The following AFG2A variants were observed in gnomAD, a reference collection of about 807,000 sequenced individuals.
The protein encoded by AFG2A is AAA ATPase AFG2A, also known as ATPase family gene 2 protein homolog A.
the AFG2A span, among the ~76,000 whole-genome samples, chr4:123,262,875 A>G: frequency 1.3e-5 from 2 of 152,326 alleles, no homozygotes; most frequent in South Asian, 2.1e-4. Flanking sequence ...AGTAACTCAC[A>G]CTACCTGGGA....
the AFG2A span, among the ~76,000 whole-genome samples, chr4:123,283,571 A>T: frequency 1.4e-4 from 21 of 152,250 alleles, no homozygotes; most frequent in African/African-American, 5.1e-4. Context: ...TGTCTAAATC[A>T]GGGATCATTA....
At chr4:123,022,873 A>C in the AFG2A span, among the ~76,000 whole-genome samples, 1 of 152,098 alleles carries the variant, frequency 6.6e-6, no homozygotes, top group African/African-American at 2.4e-5. Flanking sequence ...TGATGAGTTC[A>C]TGTCCTTTGT....
chr4:123,126,231 C>T, the AFG2A span, among the ~76,000 whole-genome samples: 2 of 152,148 alleles, frequency 1.3e-5, no homozygotes, highest in African/African-American at 4.8e-5. Context: ...ATTTTGTCTC[C>T]TCCTCTTTCA....
chr4:122,977,482 G>A, the AFG2A span, among the ~76,000 whole-genome samples: 1 of 152,222 alleles, frequency 6.6e-6, no homozygotes, highest in East Asian at 1.9e-4. Context: ...ACCAGGTAAC[G>A]TGGTGGTACC....
At chr4:122,934,240 A>G in the AFG2A span, 19 of 1,614,092 alleles carry the variant, frequency 1.2e-5, no homozygotes, top group Non-Finnish European at 1.6e-5. Context: ...TGCCCAAAGA[A>G]TGGCCTTTGA....
the AFG2A span, among the ~76,000 whole-genome samples, chr4:122,951,642 T>A: frequency 0.012 from 1,784 of 152,304 alleles, 51 homozygotes; most frequent in South Asian, 0.11. Context: ...ACAGGACTGC[T>A]GGGTCTGGCT....
chr4:123,166,995 T>A, the AFG2A span, among the ~76,000 whole-genome samples: 4 of 152,054 alleles, frequency 2.6e-5, no homozygotes, highest in African/African-American at 9.7e-5. Context: ...ATTTACACTG[T>A]GTCCTTGGAC....
chr4:123,222,601 A>G, the AFG2A span, among the ~76,000 whole-genome samples: 2 of 152,172 alleles, frequency 1.3e-5, no homozygotes, highest in Non-Finnish European at 2.9e-5. Flanking sequence ...AGTATTACCA[A>G]CTGTAGGTGT....
chr4:123,027,583 T>C, the AFG2A span, among the ~76,000 whole-genome samples: 1 of 152,048 alleles, frequency 6.6e-6, no homozygotes, highest in East Asian at 1.9e-4. Flanking sequence ...CTGGTTGTTA[T>C]AGTTAGTTCT....
the AFG2A span, among the ~76,000 whole-genome samples, chr4:123,106,947 T>G: frequency 6.6e-6 from 1 of 152,224 alleles, no homozygotes; most frequent in Non-Finnish European, 1.5e-5. Context: ...AGCTGCTGCA[T>G]GGGGTGGGCA....
chr4:123,159,019 G>C, the AFG2A span, among the ~76,000 whole-genome samples: 1 of 152,114 alleles, frequency 6.6e-6, no homozygotes, highest in Non-Finnish European at 1.5e-5. Context: ...TTTCAGATGA[G>C]GTTAACATGG....
At chr4:123,219,472 C>T in the AFG2A span, among the ~76,000 whole-genome samples, 6,574 of 152,212 alleles carry the variant, frequency 0.043, 479 homozygotes, top group African/African-American at 0.15. Context: ...AGGCATCCCT[C>T]GGTTCAGTCA....
chr4:123,319,143 A>G, the AFG2A span: 2 of 152,362 alleles, frequency 1.3e-5, no homozygotes, highest in East Asian at 1.9e-4. Context: ...TGTGTAAAAC[A>G]GGTTTTAAAA....
At chr4:122,987,077 G>T in the AFG2A span, among the ~76,000 whole-genome samples, 36 of 152,098 alleles carry the variant, frequency 2.4e-4, no homozygotes, top group East Asian at 3.5e-3. Flanking sequence ...TAATGACCTT[G>T]TCTTTTTTTG....
the AFG2A span, among the ~76,000 whole-genome samples, chr4:123,044,049 A>G: frequency 6.6e-6 from 1 of 152,198 alleles, no homozygotes; most frequent in East Asian, 1.9e-4. Context: ...TTTGTCTTCA[A>G]GATCTGTAGA....
At chr4:123,267,663 G>A in the AFG2A span, among the ~76,000 whole-genome samples, 2 of 151,868 alleles carry the variant, frequency 1.3e-5, no homozygotes, top group Non-Finnish European at 2.9e-5. Flanking sequence ...CTTTGCCTAG[G>A]GTAAATTTCT....
At chr4:123,226,283 T>C in the AFG2A span, among the ~76,000 whole-genome samples, 1 of 152,210 alleles carries the variant, frequency 6.6e-6, no homozygotes, top group Non-Finnish European at 1.5e-5. Context: ...CATCCCTGTC[T>C]TGTGCCAGTT....
chr4:123,054,263 C>T, the AFG2A span, among the ~76,000 whole-genome samples: 1 of 152,224 alleles, frequency 6.6e-6, no homozygotes, highest in Admixed American at 6.5e-5. Context: ...AGTGACCCTC[C>T]TGTGTCTTAG....
chr4:123,060,620 G>T, the AFG2A span, among the ~76,000 whole-genome samples: 1 of 152,136 alleles, frequency 6.6e-6, no homozygotes, highest in Non-Finnish European at 1.5e-5. Context: ...ACTCAGCAGT[G>T]GCAGGGGGGG....
Sources: allele counts gnomAD v4.1 joint callset (sites outside exome capture counted in the v4.1 genomes callset), GRCh38; gene constraint gnomAD v4.1.1; transcripts MANE v1.5; gene names NCBI Gene and HGNC (gene_info 2026-07-23, HGNC 2026-07-21).